The following SGMS2 variants were observed in gnomAD, a reference collection of about 807,000 sequenced individuals.
The protein encoded by SGMS2 is sphingomyelin synthase 2.
In SGMS2, 21 loss-of-function variants were observed where a neutral mutation model predicts 43.8. That is an observed-to-expected ratio of 0.48 (90% CI 0.34 to 0.69). SGMS2 has a LOEUF of 0.69. Ranked by LOEUF, SGMS2 falls within the 30% of genes least tolerant of loss-of-function variation. The pLI, the probability that SGMS2 is intolerant of heterozygous loss-of-function variation, is 0.01. For missense variants in SGMS2, 384 were observed against 443.2 expected (o/e 0.87, Z 1.20); for synonymous variants, 167 against 160.6 (o/e 1.04, Z -0.30).
At chr4:107,909,254 C>T (rs1022189547) in intron 6 of SGMS2, among the ~76,000 whole-genome samples, 4 of 151,802 alleles carry the variant, frequency 2.6e-5, no homozygotes, top group East Asian at 3.9e-4. Context: ...TACAGGTGCA[C>T]GACACCACGC....
intron 4 of SGMS2, among the ~76,000 whole-genome samples, chr4:107,901,764 A>G (rs182216547): frequency 6.6e-6 from 1 of 152,350 alleles, no homozygotes; most frequent in African/African-American, 2.4e-5. Flanking sequence ...GATTATGTGA[A>G]ATGATTTAGC....
At chr4:107,834,322 A>T (rs907777477) in intron 1 of SGMS2, among the ~76,000 whole-genome samples, 1 of 152,202 alleles carries the variant, frequency 6.6e-6, no homozygotes, top group African/African-American at 2.4e-5. Context: ...GTGTATTTCT[A>T]TACCTAACAA....
In SGMS2 at chr4:107,914,072, T is replaced by TTA. The variant is rs1172293258; in HGVS notation, c.*3528_*3529dup. 1 of 152,020 alleles carries TTA rather than the reference T, an allele frequency of 6.6e-6. No homozygotes were observed. The highest frequency in any genetic ancestry group is 1.5e-5 in the Non-Finnish European group (1 of 67,962). The allele number at this position is 152,020 out of a possible 1,614,324, so 9.4% of individuals were successfully genotyped here. ...TGCCATGTGTTGAAGGCTTTTCTAT[T>TTA]TATATATATAAAGATTTTTAGTATT... On this transcript the variant is annotated 3_prime_UTR_variant, in exon 7 of 7. Coordinates refer to ENST00000690982, the MANE Select transcript of SGMS2 (RefSeq NM_001375905.1).
chr4:107,908,492 C>T (rs888555736), intron 5 of SGMS2, 73 bp from the exon 6 acceptor site: 30 of 1,444,720 alleles, frequency 2.1e-5, no homozygotes, highest in Middle Eastern at 1.8e-4. Context: ...TACTTAAGGT[C>T]GTTAGGACAG....
intron 1 of SGMS2, among the ~76,000 whole-genome samples, chr4:107,843,816 A>C (rs778365269): frequency 6.6e-6 from 1 of 152,234 alleles, no homozygotes; most frequent in Non-Finnish European, 1.5e-5. Flanking sequence ...ACACCAAAAA[A>C]GTTTCAAAAG....
chr4:107,902,728 G>C (rs1338917043), intron 4 of SGMS2, among the ~76,000 whole-genome samples: 1 of 152,048 alleles, frequency 6.6e-6, no homozygotes, highest in Non-Finnish European at 1.5e-5. Context: ...TATTTAATGA[G>C]TTGCAACTCC....
intron 2 of SGMS2, among the ~76,000 whole-genome samples, chr4:107,874,909 A>G (rs1004424843): frequency 1.3e-5 from 2 of 152,178 alleles, no homozygotes; most frequent in African/African-American, 4.8e-5. Context: ...CCAAATTTGA[A>G]GAACATAAAT....
At chr4:107,829,648 T>C (rs1449296178) in intron 1 of SGMS2, among the ~76,000 whole-genome samples, 1 of 152,232 alleles carries the variant, frequency 6.6e-6, no homozygotes, top group African/African-American at 2.4e-5. Flanking sequence ...GCTTAAAGCT[T>C]TCAAACTAAA....
chr4:107,892,146 G>A (rs1203300751), intron 2 of SGMS2, among the ~76,000 whole-genome samples: 1 of 146,232 alleles, frequency 6.8e-6, no homozygotes, highest in African/African-American at 2.5e-5. Context: ...CCTGTTGGAA[G>A]GGAAACTCCG....
Position 107,896,015 on chromosome 4 carries a change from A to G in SGMS2, c.455+7A>G. 1.1e-5 allele frequency: 17 copies of G among 1,603,062 alleles called. No individual in the cohort carries two copies. The highest frequency in any genetic ancestry group is 1.2e-5 in the Non-Finnish European group (14 of 1,172,552). On this transcript the variant is annotated splice_region_variant and intron_variant, in intron 3 of 6. Coordinates refer to ENST00000690982, the MANE Select transcript of SGMS2 (RefSeq NM_001375905.1). Reference sequence around the variant, plus strand: ...GGCTGTTTCTGAGATACAAGTAAGTAAATCTAATGTTTTGAGGATTTGTCA... The same window carrying G: ...GGCTGTTTCTGAGATACAAGTAAGTGAATCTAATGTTTTGAGGATTTGTCA...
At chr4:107,854,045 A>G (rs138024101) in intron 1 of SGMS2, among the ~76,000 whole-genome samples, 2,616 of 152,344 alleles carry the variant, frequency 0.017, 31 homozygotes, top group Non-Finnish European at 0.028. Context: ...GCAAATGAAA[A>G]TACATTGCTA....
chr4:107,869,589 A>T (rs781556319), intron 2 of SGMS2, among the ~76,000 whole-genome samples: 6 of 152,140 alleles, frequency 3.9e-5, no homozygotes, highest in Non-Finnish European at 8.8e-5. Context: ...AAGTAATTGG[A>T]TAAAGGTGAC....
At chr4:107,888,584 T>C (rs1729941540) in intron 2 of SGMS2, among the ~76,000 whole-genome samples, 1 of 152,062 alleles carries the variant, frequency 6.6e-6, no homozygotes. Context: ...TGAAATTATT[T>C]CTCTTTAAGC....
chr4:107,903,454 A>G, intron 5 of SGMS2, 68 bp downstream of exon 5: 1 of 1,455,866 alleles, frequency 6.9e-7, no homozygotes, highest in Non-Finnish European at 9.5e-7. Context: ...CCTGAAATTG[A>G]TAGGAGCCCT....
Position 107,895,548 on chromosome 4 carries a change from G to C in SGMS2, c.-6G>C. ...ATCTCCTTTTTGATCTGAAGACTAG[G>C]GGACAATGGATATCATAGAGACAGC... On this transcript the variant is annotated 5_prime_UTR_variant, in exon 3 of 7. Transcript: ENST00000690982. 6.2e-7 allele frequency: 1 copy of C among 1,607,704 alleles called. No individual in the cohort carries two copies. Among genetic ancestry groups the C allele is most frequent in the Non-Finnish European group, 8.5e-7 (1 of 1,176,382 alleles).
intron 2 of SGMS2, among the ~76,000 whole-genome samples, chr4:107,859,901 T>C (rs887379381): frequency 2.0e-5 from 3 of 151,398 alleles, no homozygotes; most frequent in Non-Finnish European, 2.9e-5. Context: ...GTTAAAATAA[T>C]AAACCAAAAA....
chr4:107,844,191 G>A (rs766098803), intron 1 of SGMS2, among the ~76,000 whole-genome samples: 2 of 152,204 alleles, frequency 1.3e-5, no homozygotes, highest in Non-Finnish European at 2.9e-5. Flanking sequence ...GGGCATGGAG[G>A]TGGGCACCTG....
At chr4:107,852,604 A>G (rs1037519617) in intron 1 of SGMS2, among the ~76,000 whole-genome samples, 1 of 152,214 alleles carries the variant, frequency 6.6e-6, no homozygotes, top group Non-Finnish European at 1.5e-5. Flanking sequence ...GATCATACAC[A>G]TATCATTGTT....
chr4:107,879,241 A>G (rs1360386815), intron 2 of SGMS2, among the ~76,000 whole-genome samples: 3 of 151,984 alleles, frequency 2.0e-5, no homozygotes, highest in African/African-American at 7.3e-5. Flanking sequence ...TTTTTAGAGC[A>G]CAGTTTACAC....
Sources: allele counts gnomAD v4.1 joint callset (sites outside exome capture counted in the v4.1 genomes callset), GRCh38; gene constraint gnomAD v4.1.1; transcripts MANE v1.5; gene names NCBI Gene and HGNC (gene_info 2026-07-23, HGNC 2026-07-21).